The following APBA1 variants were observed in gnomAD, a reference collection of about 807,000 sequenced individuals.
APBA1 encodes the protein amyloid beta precursor protein binding family A member 1.
Under a neutral mutation model 86.6 loss-of-function variants are expected in APBA1, and 55 were observed. That is an observed-to-expected ratio of 0.64 (90% CI 0.51 to 0.80). The LOEUF (loss-of-function observed/expected upper bound fraction) is 0.80, where lower values mean the gene tolerates loss of function less well. Ranked by LOEUF, APBA1 falls within the 30% of genes least tolerant of loss-of-function variation. The pLI is 0.00. For missense variants in APBA1, 1,090 were observed against 1,183.0 expected, an observed-to-expected ratio of 0.92 and a Z score of 1.15; for synonymous variants, 511 against 493.9, an observed-to-expected ratio of 1.03 and a Z score of -0.46.
chr9:69,668,877 T>C (rs1280291695), intron 1 of APBA1, among the ~76,000 whole-genome samples: 1 of 152,212 alleles, frequency 6.6e-6, no homozygotes, highest in Non-Finnish European at 1.5e-5. Flanking sequence ...TCAAATGCTA[T>C]ATCCCATGTA....
chr9:69,480,984 A>G (rs2133843967), intron 2 of APBA1, among the ~76,000 whole-genome samples: 1 of 149,074 alleles, frequency 6.7e-6, no homozygotes, highest in African/African-American at 2.5e-5. Context: ...CAAAATAATA[A>G]GAGCTATCTA....
At chr9:69,536,197 T>G (rs1836507129) in intron 1 of APBA1, among the ~76,000 whole-genome samples, 1 of 152,122 alleles carries the variant, frequency 6.6e-6, no homozygotes, top group Admixed American at 6.5e-5. Context: ...TCAATGAACC[T>G]CCTCATAGAT....
intron 1 of APBA1, among the ~76,000 whole-genome samples, chr9:69,662,578 C>T (rs1823773271): frequency 6.6e-6 from 1 of 152,148 alleles, no homozygotes; most frequent in South Asian, 2.1e-4. Flanking sequence ...CAGGTACTAG[C>T]TCAGGGAAAA....
chr9:69,441,059 G>A lies in APBA1; in HGVS notation c.2238C>T (p.Thr746=), dbSNP rs142885599. The change falls in exon 11 of 13, where the codon ACC becomes ACT. Residue 746 remains threonine (T), a synonymous_variant. Coordinates refer to ENST00000265381, the MANE Select transcript of APBA1 (RefSeq NM_001163.4). ...GGTCTGGTCTTCTGATTAACACGGT[G>A]GTCACCGGAGGACATCTCACGATAT... The part of the protein sequence containing the change: ...KLNIVRCPPV[T]TVLIRRPDLR... 11,120 of 1,614,064 alleles carry A rather than the reference G, an allele frequency of 6.9e-3. 55 individuals are homozygous for A. Among genetic ancestry groups the A allele is most frequent in the Non-Finnish European group, 8.5e-3 (10,064 of 1,180,024 alleles).
chr9:69,572,110 T>C (rs1169208787), intron 1 of APBA1, among the ~76,000 whole-genome samples: 2 of 152,318 alleles, frequency 1.3e-5, no homozygotes, highest in African/African-American at 2.4e-5. Flanking sequence ...AATTCTAGGG[T>C]ACATGTATAG....
intron 1 of APBA1, among the ~76,000 whole-genome samples, chr9:69,549,834 C>T (rs976587262): frequency 6.6e-6 from 1 of 152,192 alleles, no homozygotes; most frequent in Non-Finnish European, 1.5e-5. Flanking sequence ...ATATAATTTT[C>T]TAATTCATAT....
intron 1 of APBA1, among the ~76,000 whole-genome samples, chr9:69,570,990 T>A (rs1174287009): frequency 2.0e-5 from 3 of 152,170 alleles, no homozygotes. Flanking sequence ...ATTGACAAAG[T>A]AATTCTCCCA....
chr9:69,537,531 C>G (rs1276607562), intron 1 of APBA1, among the ~76,000 whole-genome samples: 1 of 152,038 alleles, frequency 6.6e-6, no homozygotes, highest in Non-Finnish European at 1.5e-5. Flanking sequence ...TTCCCAAATT[C>G]TCTCACAATC....
At chr9:69,626,526 C>T (rs1272358845) in intron 1 of APBA1, among the ~76,000 whole-genome samples, 1 of 151,928 alleles carries the variant, frequency 6.6e-6, no homozygotes, top group African/African-American at 2.4e-5. Flanking sequence ...TCGCAATATA[C>T]AAGAATAAGA....
At position 69,664,041 on chromosome 9, in the gene APBA1, T is replaced by C. The variant is rs144177557; in HGVS notation, c.-70+8112A>G. ...CAACTGATTTTAAAGAGAGAAACCA[T>C]GAAAAAACATATTACCTGGTAAGAC... On this transcript the variant is annotated intron_variant, in intron 1 of 12. Coordinates refer to ENST00000265381, the MANE Select transcript of APBA1 (RefSeq NM_001163.4). Among the ~76,000 whole-genome samples, 877 of 152,246 alleles carry C rather than the reference T, an allele frequency of 5.8e-3. 6 individuals are homozygous for C. Among genetic ancestry groups the C allele is most frequent in the Middle Eastern group, 0.014 (4 of 294 alleles).
rs1402557230 is a variant in APBA1 at position 69,516,856 on chromosome 9, C to T, written c.355G>A (p.Ala119Thr). ...TCGGCCTCGGGCCGGTACTGCACAG[C>T]ATAGGCGCTCTCGTCCTCGGGGTCC... Reference protein sequence around the residue: ...AQDPEDESAYAVQYRPEAEEY... With the variant: ...AQDPEDESAYTVQYRPEAEEY... Residue 119 changes from alanine to threonine, a missense_variant, in exon 2 of 13, where the codon GCT (alanine) becomes ACT (threonine). Around this residue, in one of 6 missense-constraint regions of APBA1, gnomAD observed 678 missense variants for 647.1 expected, o/e 1.05. Transcript: ENST00000265381. This position sits in a 1 kb window ranked among gnomAD's most constrained non-coding sequence, Gnocchi z 7.3. 1 of 1,600,080 alleles carries T rather than the reference C, an allele frequency of 6.2e-7. No individual in the cohort carries two copies. Among genetic ancestry groups the T allele is most frequent in the East Asian group, 2.2e-5 (1 of 44,730 alleles).
At chr9:69,498,324 T>C (rs1258861277) in intron 2 of APBA1, among the ~76,000 whole-genome samples, 1 of 152,092 alleles carries the variant, frequency 6.6e-6, no homozygotes, top group Non-Finnish European at 1.5e-5. Context: ...CATGGGAAGC[T>C]GAGTCCTGCC....
intron 3 of APBA1, among the ~76,000 whole-genome samples, chr9:69,473,800 A>G (rs918832130): frequency 1.3e-5 from 2 of 152,222 alleles, no homozygotes; most frequent in African/African-American, 4.8e-5. Flanking sequence ...CTTATTCTCT[A>G]TGCATGAGCT....
intron 1 of APBA1, among the ~76,000 whole-genome samples, chr9:69,619,888 T>C (rs778733661): frequency 6.6e-6 from 1 of 152,186 alleles, no homozygotes; most frequent in Non-Finnish European, 1.5e-5. Context: ...AAACTGCAAC[T>C]TTTCCATTCC....
At chr9:69,602,301 G>A (rs180978251) in intron 1 of APBA1, among the ~76,000 whole-genome samples, 147 of 152,252 alleles carry the variant, frequency 9.7e-4, no homozygotes, top group African/African-American at 2.8e-3. Context: ...GCGGGGCGCG[G>A]TTGCTCAAGC....
At chr9:69,610,258 T>C (rs1462424541) in intron 1 of APBA1, among the ~76,000 whole-genome samples, 1 of 152,166 alleles carries the variant, frequency 6.6e-6, no homozygotes, top group Non-Finnish European at 1.5e-5. Flanking sequence ...AGTTTGAGTC[T>C]ACAGTGGGCT....
At chr9:69,556,204 G>A (rs752374809) in intron 1 of APBA1, among the ~76,000 whole-genome samples, 3 of 152,194 alleles carry the variant, frequency 2.0e-5, no homozygotes, top group Non-Finnish European at 4.4e-5. Context: ...CTATCACATT[G>A]ACATGCCTCC....
intron 1 of APBA1, among the ~76,000 whole-genome samples, chr9:69,605,093 G>A (rs1822444749): frequency 6.6e-6 from 1 of 152,130 alleles, no homozygotes; most frequent in Admixed American, 6.5e-5. Flanking sequence ...GATTTGGGGG[G>A]TAAAAACAAG....
intron 1 of APBA1, among the ~76,000 whole-genome samples, chr9:69,618,539 G>A (rs1266793755): frequency 1.3e-5 from 2 of 152,168 alleles, no homozygotes; most frequent in Non-Finnish European, 2.9e-5. Context: ...CCAATGAAAC[G>A]GAGGTATGAA....
Sources: gnomAD v4.1 joint callset for allele counts (sites outside exome capture counted in the v4.1 genomes callset) on GRCh38, gnomAD v4.1.1 for gene constraint, gnomAD v4.1.1 regional missense constraint, Gnocchi (gnomAD v3.1) non-coding constraint, MANE v1.5 for transcripts, NCBI Gene and HGNC (gene_info 2026-07-23, HGNC 2026-07-21) for gene names.